Variants in KCNMA1 observed in about 807,000 individuals in gnomAD.
KCNMA1 encodes Calcium-activated potassium channel subunit alpha-1.
KCNMA1 carries 29 observed loss-of-function variants against 140.0 expected under a neutral mutation model. That is an observed-to-expected ratio of 0.21 (90% CI 0.15 to 0.28). The LOEUF (loss-of-function observed/expected upper bound fraction) is 0.28, where lower values mean the gene tolerates loss of function less well. Among genes scored for constraint, KCNMA1 ranks in the 10% least tolerant of loss-of-function variants. The pLI, the probability that KCNMA1 is intolerant of heterozygous loss-of-function variation, is 1.00. For missense variants in KCNMA1, 880 were observed against 1,602.2 expected (o/e 0.55, Z 7.70); for synonymous variants, 612 against 611.9 (o/e 1.00, Z 0.00).
intron 19 of KCNMA1, among the ~76,000 whole-genome samples, chr10:76,991,960 G>T (rs2082893987): frequency 6.6e-6 from 1 of 152,216 alleles, no homozygotes; most frequent in Non-Finnish European, 1.5e-5. Flanking sequence ...TCTAGGGCTG[G>T]AGTCTTTCTC....
At chr10:77,110,414 A>C in intron 7 of KCNMA1, 71 bp from the exon 8 acceptor site, 1 of 1,362,350 alleles carries the variant, frequency 7.3e-7, no homozygotes, top group Non-Finnish European at 1.1e-6. Flanking sequence ...ATAAACGCGG[A>C]AGCTCGGCAC....
At chr10:77,486,890 A>C (rs1244447290) in intron 1 of KCNMA1, among the ~76,000 whole-genome samples, 2 of 152,224 alleles carry the variant, frequency 1.3e-5, no homozygotes, top group African/African-American at 4.8e-5. Context: ...GAAGAAAGAA[A>C]GGTTCAGAGG....
chr10:77,205,729 C>T (rs2043867922), intron 3 of KCNMA1, among the ~76,000 whole-genome samples: 1 of 152,094 alleles, frequency 6.6e-6, no homozygotes, highest in African/African-American at 2.4e-5. Context: ...TTGAATTTGT[C>T]CTCTCATATC....
chr10:77,186,777 A>ATGTG (rs10594438), intron 3 of KCNMA1, among the ~76,000 whole-genome samples: 4,626 of 145,144 alleles, frequency 0.032, 92 homozygotes, highest in Non-Finnish European at 0.043. Flanking sequence ...TAAAGAGTAA[A>ATGTG]TGTGTGTGTG....
At chr10:77,212,319 C>A (rs1462479159) in intron 3 of KCNMA1, among the ~76,000 whole-genome samples, 1 of 152,184 alleles carries the variant, frequency 6.6e-6, no homozygotes, top group Non-Finnish European at 1.5e-5. Flanking sequence ...GAGCTGGAGG[C>A]CATAATCCTA....
intron 3 of KCNMA1, among the ~76,000 whole-genome samples, chr10:77,247,071 A>C (rs1466481667): frequency 6.6e-6 from 1 of 152,248 alleles, no homozygotes; most frequent in African/African-American, 2.4e-5. Context: ...CAGAGACAAG[A>C]GCCTGCATTG....
At chr10:77,303,337 C>A (rs1426466023) in intron 2 of KCNMA1, among the ~76,000 whole-genome samples, 1 of 152,110 alleles carries the variant, frequency 6.6e-6, no homozygotes, top group African/African-American at 2.4e-5. Context: ...TGCATTATCT[C>A]ATAAAGGATA....
chr10:76,915,243 T>C (rs764086495), intron 23 of KCNMA1, among the ~76,000 whole-genome samples, 194 bp from the exon 24 acceptor site: 2 of 152,192 alleles, frequency 1.3e-5, no homozygotes, highest in Admixed American at 6.5e-5. Context: ...TTATAAATAA[T>C]CGTAACTCAC....
intron 10 of KCNMA1, among the ~76,000 whole-genome samples, chr10:77,088,246 C>A (rs779296216): frequency 4.6e-5 from 7 of 152,052 alleles, no homozygotes; most frequent in Non-Finnish European, 1.0e-4. Context: ...CAGGCATGAG[C>A]CACCATGCCT....
chr10:76,900,922 T>A (rs895314079), intron 25 of KCNMA1, among the ~76,000 whole-genome samples: 1 of 151,414 alleles, frequency 6.6e-6, no homozygotes, highest in African/African-American at 2.4e-5. Context: ...CCAGTACATT[T>A]GCCTCAATAT....
chr10:77,013,939 A>G (rs537706678), intron 17 of KCNMA1, among the ~76,000 whole-genome samples: 266 of 152,314 alleles, frequency 1.7e-3, no homozygotes, highest in Non-Finnish European at 3.4e-3. Flanking sequence ...AAGTTTGATT[A>G]CTTCATGAAC....
intron 1 of KCNMA1, among the ~76,000 whole-genome samples, chr10:77,603,013 G>A (rs2083162660): frequency 6.6e-6 from 1 of 152,198 alleles, no homozygotes; most frequent in African/African-American, 2.4e-5. Context: ...GGGGCTGCAA[G>A]TCCAACAGCT....
chr10:77,070,388 A>G (rs1395798335), intron 14 of KCNMA1, among the ~76,000 whole-genome samples: 2 of 152,118 alleles, frequency 1.3e-5, no homozygotes, highest in Non-Finnish European at 2.9e-5. Flanking sequence ...TTGCTGTTAC[A>G]GTCTTGTTTC....
intron 1 of KCNMA1, among the ~76,000 whole-genome samples, chr10:77,511,325 A>G (rs1314117946): frequency 6.6e-6 from 1 of 152,254 alleles, no homozygotes; most frequent in East Asian, 1.9e-4. Context: ...CCATACAGGA[A>G]ATCTGTCTAC....
At chr10:77,075,840 C>G (rs543423865) in intron 13 of KCNMA1, among the ~76,000 whole-genome samples, 1 of 152,132 alleles carries the variant, frequency 6.6e-6, no homozygotes. Context: ...CTGGAAACTT[C>G]GTCCTTTTCC....
At chr10:77,219,648 T>C (rs1376744761) in intron 3 of KCNMA1, among the ~76,000 whole-genome samples, 1 of 152,084 alleles carries the variant, frequency 6.6e-6, no homozygotes, top group East Asian at 1.9e-4. Context: ...GAGATGGAGT[T>C]TTGCTCTGTC....
intron 23 of KCNMA1, among the ~76,000 whole-genome samples, chr10:76,925,418 T>C (rs1447770880): frequency 1.3e-5 from 2 of 152,344 alleles, no homozygotes; most frequent in African/African-American, 4.8e-5. Context: ...AGGCTTACTA[T>C]GCCAGGGAAA....
chr10:77,598,437 G>T (rs1482436734), intron 1 of KCNMA1, among the ~76,000 whole-genome samples: 2 of 152,166 alleles, frequency 1.3e-5, no homozygotes, highest in Admixed American at 6.5e-5. Context: ...CGGGCCTGGG[G>T]AAATAAGTGG....
chr10:76,965,441 G>T (rs962856601), intron 20 of KCNMA1, among the ~76,000 whole-genome samples: 2 of 152,082 alleles, frequency 1.3e-5, no homozygotes, highest in African/African-American at 4.8e-5. Flanking sequence ...CCTGATGGAG[G>T]ACTCCCAACC....
Sources: allele counts gnomAD v4.1 joint callset (sites outside exome capture counted in the v4.1 genomes callset), GRCh38; gene constraint gnomAD v4.1.1; transcripts MANE v1.5; gene names NCBI Gene and HGNC (gene_info 2026-07-23, HGNC 2026-07-21).